Variants in ENTREP2 observed in about 807,000 individuals in gnomAD.
ENTREP2 encodes the protein endosomal transmembrane epsin interactor 2.
the ENTREP2 span, among the ~76,000 whole-genome samples, chr15:29,620,821 T>C: frequency 6.6e-6 from 1 of 151,614 alleles, no homozygotes; most frequent in Admixed American, 6.6e-5. Context: ...TACTGAGAGG[T>C]GGGGAAAAGG....
the ENTREP2 span, among the ~76,000 whole-genome samples, chr15:29,232,125 A>G: frequency 6.6e-6 from 1 of 152,080 alleles, no homozygotes; most frequent in Non-Finnish European, 1.5e-5. Context: ...CCCTGACCTC[A>G]GGTGATCTGC....
the ENTREP2 span, among the ~76,000 whole-genome samples, chr15:29,317,502 G>A: frequency 1.1e-4 from 16 of 152,112 alleles, no homozygotes; most frequent in African/African-American, 3.4e-4. Flanking sequence ...TTATACTCTC[G>A]AGAGTTGCAT....
At chr15:29,582,753 G>A in the ENTREP2 span, among the ~76,000 whole-genome samples, 1 of 152,174 alleles carries the variant, frequency 6.6e-6, no homozygotes, top group South Asian at 2.1e-4. Flanking sequence ...CCAGGTTCAA[G>A]CGATTCTCCT....
chr15:29,436,696 A>G, the ENTREP2 span, among the ~76,000 whole-genome samples: 3 of 152,304 alleles, frequency 2.0e-5, no homozygotes, highest in South Asian at 6.2e-4. Flanking sequence ...GATACCCTCA[A>G]ATGAAATGCA....
chr15:29,600,236 A>C, the ENTREP2 span, among the ~76,000 whole-genome samples: 1 of 152,218 alleles, frequency 6.6e-6, no homozygotes, highest in Non-Finnish European at 1.5e-5. Context: ...TTGTCAAAAA[A>C]AAAAGATGCT....
At chr15:29,374,064 G>C in the ENTREP2 span, 3 of 151,968 alleles carry the variant, frequency 2.0e-5, no homozygotes, top group African/African-American at 7.2e-5. Flanking sequence ...TTTAAAAATT[G>C]TCTTGTGTTT....
At chr15:29,297,121 C>T in the ENTREP2 span, among the ~76,000 whole-genome samples, 3 of 152,148 alleles carry the variant, frequency 2.0e-5, no homozygotes, top group Non-Finnish European at 4.4e-5. Flanking sequence ...GAACAAAATT[C>T]AACACTCTCT....
At chr15:29,629,927 G>C in the ENTREP2 span, among the ~76,000 whole-genome samples, 55 of 152,160 alleles carry the variant, frequency 3.6e-4, no homozygotes, top group African/African-American at 1.2e-3. Flanking sequence ...GACCAGCCTG[G>C]CCAACATGGT....
At chr15:29,176,707 G>A in the ENTREP2 span, among the ~76,000 whole-genome samples, 7 of 152,106 alleles carry the variant, frequency 4.6e-5, no homozygotes, top group African/African-American at 7.2e-5. Context: ...GGCTGAGGCC[G>A]GGCCCCAGGA....
At chr15:29,613,735 TTCCTCTGCTTCC>T in the ENTREP2 span, 1 of 168,156 alleles carries the variant, frequency 5.9e-6, no homozygotes. Flanking sequence ...GGTCACCACC[TTCCTCTGCTTCC>T]CTCACCAGCT....
At chr15:29,611,271 A>G in the ENTREP2 span, 1 of 152,112 alleles carries the variant, frequency 6.6e-6, no homozygotes, top group African/African-American at 2.4e-5. Context: ...ACAAAAGCCC[A>G]AAGAGTCAGC....
At chr15:29,592,094 T>C in the ENTREP2 span, among the ~76,000 whole-genome samples, 1 of 152,178 alleles carries the variant, frequency 6.6e-6, no homozygotes, top group Admixed American at 6.5e-5. Context: ...TTTCTGTTGT[T>C]AAACCACCCA....
chr15:29,412,828 T>C, the ENTREP2 span, among the ~76,000 whole-genome samples: 1 of 152,090 alleles, frequency 6.6e-6, no homozygotes, highest in Non-Finnish European at 1.5e-5. Context: ...TCTATTCTTA[T>C]GTATTATGTT....
chr15:29,139,745 T>C, the ENTREP2 span, among the ~76,000 whole-genome samples: 6 of 152,194 alleles, frequency 3.9e-5, no homozygotes, highest in African/African-American at 7.2e-5. Context: ...CCCACCTTCC[T>C]GGACCCTTTT....
chr15:29,170,599 A>AGTGTGT, the ENTREP2 span, among the ~76,000 whole-genome samples: 1 of 148,536 alleles, frequency 6.7e-6, no homozygotes, highest in Non-Finnish European at 1.5e-5. Context: ...TGTGTGTGTG[A>AGTGTGT]GTGTGTGTGT....
At chr15:29,645,505 C>T in the ENTREP2 span, among the ~76,000 whole-genome samples, 1 of 152,154 alleles carries the variant, frequency 6.6e-6, no homozygotes, top group Admixed American at 6.5e-5. Context: ...ATTACAGTAG[C>T]TTGTTCATGG....
chr15:29,511,019 A>G, the ENTREP2 span, among the ~76,000 whole-genome samples: 1 of 152,056 alleles, frequency 6.6e-6, no homozygotes, highest in Non-Finnish European at 1.5e-5. Flanking sequence ...GGAGGGGAAT[A>G]TCACACACTG....
At chr15:29,468,818 G>A in the ENTREP2 span, among the ~76,000 whole-genome samples, 1 of 152,002 alleles carries the variant, frequency 6.6e-6, no homozygotes, top group Admixed American at 6.6e-5. Flanking sequence ...AATTAAATCT[G>A]TTTTGAAACT....
chr15:29,548,375 A>C, the ENTREP2 span, among the ~76,000 whole-genome samples: 1 of 150,318 alleles, frequency 6.7e-6, no homozygotes, highest in African/African-American at 2.5e-5. Flanking sequence ...AGAATTGCTT[A>C]AACTTGGGAG....
Sources: gnomAD v4.1 joint callset for allele counts (sites outside exome capture counted in the v4.1 genomes callset) on GRCh38, gnomAD v4.1.1 for gene constraint, MANE v1.5 for transcripts, NCBI Gene and HGNC (gene_info 2026-07-23, HGNC 2026-07-21) for gene names.